Variants in NEK10 observed in about 807,000 individuals in gnomAD.
NEK10 encodes NIMA related kinase 10, also known as serine/threonine-protein kinase Nek10.
In NEK10, 122 loss-of-function variants were observed where a neutral mutation model predicts 159.8. The observed-to-expected ratio is 0.76, with a 90% CI of 0.66 to 0.89. NEK10 has a LOEUF of 0.89. Among genes scored for constraint, NEK10 ranks in the 40% least tolerant of loss-of-function variants. NEK10 has a pLI of 0.00. For synonymous variants in NEK10, 466 were observed against 457.1 expected (o/e 1.02, Z -0.25); for missense variants, 1,342 against 1,323.1 (o/e 1.01, Z -0.22).
chr3:27,281,510 T>A (rs925196380), intron 22 of NEK10, among the ~76,000 whole-genome samples: 1 of 150,754 alleles, frequency 6.6e-6, no homozygotes, highest in Admixed American at 6.6e-5. Context: ...ACTAGAGAAA[T>A]GCCTTTAAAA....
chr3:27,116,465 T>A (rs1940455269), intron 33 of NEK10, among the ~76,000 whole-genome samples: 1 of 152,064 alleles, frequency 6.6e-6, no homozygotes, highest in South Asian at 2.1e-4. Context: ...CTGATGGGTG[T>A]TTTCTGATTA....
At chr3:27,122,370 C>T (rs1176860329) in intron 32 of NEK10, among the ~76,000 whole-genome samples, 1 of 152,170 alleles carries the variant, frequency 6.6e-6, no homozygotes, top group East Asian at 1.9e-4. Context: ...AAGTCTCGGG[C>T]ATTTCTTCAT....
At chr3:27,232,446 C>T (rs1013074012) in intron 23 of NEK10, among the ~76,000 whole-genome samples, 2 of 151,970 alleles carry the variant, frequency 1.3e-5, no homozygotes, top group African/African-American at 4.8e-5. Flanking sequence ...ATCCCATGCT[C>T]ATGGATAGGA....
intron 23 of NEK10, among the ~76,000 whole-genome samples, chr3:27,223,733 T>A (rs1952353508): frequency 6.6e-6 from 1 of 152,208 alleles, no homozygotes; most frequent in Non-Finnish European, 1.5e-5. Context: ...ACAGCAAGTT[T>A]CACACAGATG....
intron 15 of NEK10, among the ~76,000 whole-genome samples, chr3:27,294,059 A>G (rs1386121091): frequency 6.6e-6 from 1 of 152,220 alleles, no homozygotes; most frequent in Non-Finnish European, 1.5e-5. Context: ...GAAAATAAAC[A>G]CTAGAAATGA....
At chr3:27,129,419 G>T (rs1237586051) in intron 32 of NEK10, among the ~76,000 whole-genome samples, 1 of 152,038 alleles carries the variant, frequency 6.6e-6, no homozygotes, top group Non-Finnish European at 1.5e-5. Flanking sequence ...GGTATGGGGT[G>T]ACTGTGTCAG....
At chr3:27,286,926 G>A (rs893946801) in intron 20 of NEK10, among the ~76,000 whole-genome samples, 21 of 151,904 alleles carry the variant, frequency 1.4e-4, no homozygotes, top group African/African-American at 5.1e-4. Flanking sequence ...GAAGGGAGAT[G>A]GGTAAAATTG....
chr3:27,142,737 T>A (rs1943908873), intron 30 of NEK10, among the ~76,000 whole-genome samples: 1 of 152,068 alleles, frequency 6.6e-6, no homozygotes, highest in Non-Finnish European at 1.5e-5. Flanking sequence ...TTTAAAAGAG[T>A]CAACTTGTTT....
chr3:27,328,794 C>T (rs1184795102), intron 5 of NEK10, among the ~76,000 whole-genome samples: 1 of 152,166 alleles, frequency 6.6e-6, no homozygotes, highest in Non-Finnish European at 1.5e-5. Flanking sequence ...TGTTAGCCTA[C>T]TGCAATAGTC....
chr3:27,247,644 T>C (rs1423851990), intron 23 of NEK10, among the ~76,000 whole-genome samples: 2 of 151,996 alleles, frequency 1.3e-5, no homozygotes, highest in Non-Finnish European at 2.9e-5. Context: ...AAATCATTCC[T>C]CCCGCCTCAG....
intron 13 of NEK10, among the ~76,000 whole-genome samples, chr3:27,297,661 A>C (rs913228668): frequency 1.3e-5 from 2 of 152,236 alleles, no homozygotes; most frequent in Non-Finnish European, 1.5e-5. Context: ...AAGAGTATGC[A>C]CTGTGATTAC....
rs2047847390 is a variant in NEK10 at position 27,349,955 on chromosome 3, A to T, written c.132+2510T>A. Among the ~76,000 whole-genome samples, 4 of 152,256 alleles carry T rather than the reference A, an allele frequency of 2.6e-5. No individual in the cohort carries two copies. In the South Asian group the frequency reaches 8.3e-4, roughly 32 times the overall value. On this transcript the variant is annotated intron_variant, in intron 3 of 35. Transcript: ENST00000691995. ...ACACAGAGTGTAGGTCAGGACAAAG[A>T]ACAAAAGTAGAACACTGGAACACAA...
At chr3:27,209,447 C>T (rs1288669162) in intron 23 of NEK10, among the ~76,000 whole-genome samples, 2 of 152,194 alleles carry the variant, frequency 1.3e-5, no homozygotes, top group Non-Finnish European at 2.9e-5. Context: ...CTTTCTATTT[C>T]TCTCATGTTG....
At chr3:27,306,614 T>C (rs1409848702) in intron 11 of NEK10, among the ~76,000 whole-genome samples, 2 of 152,216 alleles carry the variant, frequency 1.3e-5, no homozygotes, top group African/African-American at 2.4e-5. Flanking sequence ...ATAATGTTCA[T>C]GATAAAATTC....
chr3:27,138,033 G>C lies in NEK10; in HGVS notation c.2970+3449C>G, dbSNP rs1943395584. On this transcript the variant is annotated intron_variant, in intron 31 of 35. Coordinates refer to ENST00000691995, the MANE Select transcript of NEK10 (RefSeq NM_001394966.1). The stretch of plus-strand genomic sequence containing the variant: ...CAGGATGCTAAGCTCTATCAGAAGA[G>C]AGCCCTGGAGGGATGCTGAAGGAGG... 2.0e-5 allele frequency among the ~76,000 whole-genome samples: 3 copies of C among 152,180 alleles called. No homozygotes were observed. In the South Asian group the frequency reaches 6.2e-4, roughly 31 times the overall value.
At chr3:27,252,808 T>A in intron 23 of NEK10, 1 of 454,722 alleles carries the variant, frequency 2.2e-6, no homozygotes, top group South Asian at 1.6e-5. Context: ...CAGCTAGGAA[T>A]TGTTAAAGTT....
At chr3:27,191,536 G>T (rs1483461588) in intron 26 of NEK10, among the ~76,000 whole-genome samples, 1 of 152,210 alleles carries the variant, frequency 6.6e-6, no homozygotes, top group East Asian at 1.9e-4. Flanking sequence ...CAATCTAAAG[G>T]TTCTTGGCAA....
chr3:27,174,471 G>A lies in NEK10; in HGVS notation c.2744C>T (p.Ser915Phe). 6.2e-7 allele frequency: 1 copy of A among 1,612,242 alleles called. No homozygotes were observed. The highest frequency in any genetic ancestry group is 1.3e-5 in the African/African-American group (1 of 74,866). Reference sequence around the variant, plus strand: ...AGATTCTTTCAGAGGGCTTGAACTGGAGCTGCTGGAGTTATCCGAAATGTC... The same window carrying A: ...AGATTCTTTCAGAGGGCTTGAACTGAAGCTGCTGGAGTTATCCGAAATGTC... ...ELDISDNSSS[S>F]SSSPLKESTF... Residue 915 changes from serine to phenylalanine, a missense_variant, in exon 28 of 36, where the codon TCC becomes TTC. Transcript: ENST00000691995.
Position 27,113,080 on chromosome 3 carries a change from T to C in NEK10, c.3300-1760A>G, listed in dbSNP as rs143902447. ...TGGCTTTAGGCACAAACAAGGGTTATTTTTACAAACAAATTCTGGAGAGTT... is the reference window on the plus strand; with the variant it reads ...TGGCTTTAGGCACAAACAAGGGTTACTTTTACAAACAAATTCTGGAGAGTT... On this transcript the variant is annotated intron_variant, in intron 35 of 35. Coordinates refer to ENST00000691995, the MANE Select transcript of NEK10 (RefSeq NM_001394966.1). 3.7e-3 allele frequency among the ~76,000 whole-genome samples: 561 copies of C among 152,308 alleles called. 3 individuals carry two copies. The highest frequency in any genetic ancestry group is 0.013 in the African/African-American group (539 of 41,562).
Sources: allele counts gnomAD v4.1 joint callset (sites outside exome capture counted in the v4.1 genomes callset), GRCh38; gene constraint gnomAD v4.1.1; transcripts MANE v1.5; gene names NCBI Gene and HGNC (gene_info 2026-07-23, HGNC 2026-07-21).